KRT7: variants seen among roughly 807,000 people sequenced by gnomAD.
KRT7 encodes keratin 7.
In KRT7, 50 loss-of-function variants were observed where a neutral mutation model predicts 42.8. The ratio of observed to expected loss-of-function variants is 1.17; its 90% CI spans 0.93 to 1.48. The LOEUF is 1.48. Among genes scored for constraint, KRT7 ranks in the 40% most tolerant of loss-of-function variants. The pLI, the probability that KRT7 is intolerant of heterozygous loss-of-function variation, is 0.00. For missense variants in KRT7, 588 were observed against 637.6 expected, an observed-to-expected ratio of 0.92 and a Z score of 0.84; for synonymous variants, 268 against 266.3, an observed-to-expected ratio of 1.01 and a Z score of -0.06.
At chr12:52,248,355 G>A in intron 8 of KRT7, 144 bp downstream of exon 8, 1 of 956,312 alleles carries the variant, frequency 1.0e-6, no homozygotes, top group African/African-American at 1.6e-5. Context: ...AGGTCCCCTG[G>A]AGCACATACT....
chr12:52,238,875 T>C, intron 4 of KRT7, 100 bp downstream of exon 4: 2 of 755,150 alleles, frequency 2.6e-6, no homozygotes, highest in Non-Finnish European at 4.7e-6. Flanking sequence ...CAGATATGTG[T>C]CAGTGTGAGA....
At chr12:52,243,842 GTCCCTACC>G in intron 6 of KRT7, among the ~76,000 whole-genome samples, 1 of 152,360 alleles carries the variant, frequency 6.6e-6, no homozygotes, top group Admixed American at 6.5e-5. Flanking sequence ...GTGATTGATG[GTCCCTACC>G]TCCACTGGAA....
downstream of KRT7, chr12:52,255,396 A>G (rs1302583354): frequency 2.2e-6 from 1 of 456,590 alleles, no homozygotes; most frequent in East Asian, 7.0e-5. Context: ...CCTTAGTGCC[A>G]CCTCTTCTTC....
At chr12:52,250,486 G>A (rs954808072), downstream of KRT7, 49 of 656,108 alleles carry the variant, frequency 7.5e-5, no homozygotes, top group East Asian at 1.3e-3. Context: ...CGCACGGAGC[G>A]GCCGCTGCCG....
chr12:52,253,704 C>CTGTTGTCCATCTTGACGACCACT, downstream of KRT7: 3 of 1,387,066 alleles, frequency 2.2e-6, no homozygotes, highest in Non-Finnish European at 2.9e-6. Flanking sequence ...CAGGTCCCGA[C>CTGTTGTCCATCTTGACGACCACT]TGTTGTCCAT....
rs1942088003 is a variant in KRT7 at position 52,241,463 on chromosome 12, T to C, written c.694-9T>C. 9 of 1,602,782 alleles carry C rather than the reference T, an allele frequency of 5.6e-6. No individual in the cohort carries two copies. The highest frequency in any genetic ancestry group is 7.7e-6 in the Non-Finnish European group (9 of 1,173,542). ...CCCTAAGTCCTGATGTCCCGTCTGG[T>C]CCCTACAGGAGTTGACAGAGCTGCA... is the stretch of plus-strand genomic sequence containing the variant. On this transcript the variant is annotated splice_polypyrimidine_tract_variant and intron_variant, in intron 4 of 8. Transcript: ENST00000331817.
At chr12:52,250,555 G>C, downstream of KRT7, 1 of 1,230,554 alleles carries the variant, frequency 8.1e-7, no homozygotes, top group Non-Finnish European at 1.1e-6. Context: ...CCGCTGCAGG[G>C]GGCACTGCAG....
chr12:52,238,679 G>A lies in KRT7; in HGVS notation c.598-1G>A. ...CTGCCCCATCTTGCCCCAACCCCCA[G>A]GATGTGGATGCTGCCTACATGAGCA... is the stretch of plus-strand genomic sequence containing the variant. On this transcript the variant is annotated splice_acceptor_variant, in intron 3 of 8. Coordinates refer to ENST00000331817, the MANE Select transcript of KRT7 (RefSeq NM_005556.4). LOFTEE classifies it high-confidence loss of function. 1 of 1,610,210 alleles carries A rather than the reference G, an allele frequency of 6.2e-7. No homozygotes were observed. The highest frequency in any genetic ancestry group is 8.5e-7 in the Non-Finnish European group (1 of 1,176,428).
At chr12:52,250,511 G>A (rs1232643467), downstream of KRT7, 4 of 762,380 alleles carry the variant, frequency 5.2e-6, no homozygotes, top group Admixed American at 4.1e-5. Flanking sequence ...TCTGGCCGCA[G>A]GGCGCACACA....
chr12:52,235,444 C>G, intron 2 of KRT7, 78 bp downstream of exon 2: 1 of 1,275,162 alleles, frequency 7.8e-7, no homozygotes, highest in Non-Finnish European at 1.1e-6. Flanking sequence ...TGTGCAAGTC[C>G]CCCTGCTTCA....
chr12:52,252,126 G>T, downstream of KRT7: 1 of 1,165,380 alleles, frequency 8.6e-7, no homozygotes, highest in Non-Finnish European at 1.2e-6. Context: ...TGTTTAACCT[G>T]CAAATTCTCT....
At position 52,244,452 on chromosome 12, in the gene KRT7, G is replaced by A. The variant is rs748300281; in HGVS notation, c.985-960G>A. 24 of 985,714 alleles carry A rather than the reference G, an allele frequency of 2.4e-5. No homozygotes were observed. The Admixed American group carries it at 2.5e-4, about 10-fold the overall frequency. The allele number at this position is 985,714 out of a possible 1,614,324, so 61.1% of individuals were successfully genotyped here. ...GCTACAAGGGGTCTCCAGAGGCAGC[G>A]GGGATGGCGTTGGCTCTGGGGGCAC... On this transcript the variant is annotated intron_variant, in intron 6 of 8. Transcript: ENST00000331817.
downstream of KRT7, chr12:52,252,582 G>T: frequency 6.9e-7 from 1 of 1,440,308 alleles, no homozygotes; most frequent in Non-Finnish European, 9.4e-7. Flanking sequence ...AAGAGGCCTT[G>T]TCTATTTGTT....
At chr12:52,254,721 T>C (rs1942316475), downstream of KRT7, among the ~76,000 whole-genome samples, 1 of 152,172 alleles carries the variant, frequency 6.6e-6, no homozygotes, top group African/African-American at 2.4e-5. Flanking sequence ...TGGAATCTCA[T>C]GGAAGATAAT....
chr12:52,240,162 TACACACACAC>T (rs10604083), intron 4 of KRT7, among the ~76,000 whole-genome samples: 1 of 150,424 alleles, frequency 6.6e-6, no homozygotes, highest in Non-Finnish European at 1.5e-5. Flanking sequence ...CACACATGTG[TACACACACAC>T]ACACACACAC....
chr12:52,237,629 G>A, intron 3 of KRT7, 60 bp downstream of exon 3: 2 of 1,440,944 alleles, frequency 1.4e-6, no homozygotes, highest in Non-Finnish European at 1.9e-6. Context: ...AAGGACCACA[G>A]GATCCTCTCA....
At chr12:52,253,433 T>C (rs1942297214), downstream of KRT7, 18 of 1,561,100 alleles carry the variant, frequency 1.2e-5, 1 homozygote, top group South Asian at 1.8e-4. Flanking sequence ...GTGCTCAGCC[T>C]GTGCAACCAC....
intron 4 of KRT7, among the ~76,000 whole-genome samples, chr12:52,241,102 A>C (rs1213332219): frequency 2.0e-5 from 3 of 152,136 alleles, no homozygotes; most frequent in African/African-American, 4.8e-5. Flanking sequence ...TACAGACTGC[A>C]GAGTATTCTG....
chr12:52,252,487 A>C, downstream of KRT7: 1 of 1,613,728 alleles, frequency 6.2e-7, no homozygotes, highest in Non-Finnish European at 8.5e-7. Flanking sequence ...GAGTTCTGGG[A>C]GGCAAGGGAG....
Sources: allele counts gnomAD v4.1 joint callset (sites outside exome capture counted in the v4.1 genomes callset), GRCh38; gene constraint gnomAD v4.1.1; transcripts MANE v1.5; gene names NCBI Gene and HGNC (gene_info 2026-07-23, HGNC 2026-07-21).